Variants in FGF13 observed in about 807,000 individuals in gnomAD.
FGF13 encodes the protein fibroblast growth factor 13.
Under a neutral mutation model 19.5 loss-of-function variants are expected in FGF13, and 2 were observed. The ratio of observed to expected loss-of-function variants is 0.10; its 90% CI spans 0.04 to 0.32. FGF13 has a LOEUF of 0.32. FGF13 is among the 10% of genes least tolerant of loss of function. The probability of loss-of-function intolerance (pLI) is 1.00; values close to 1 mark genes in which losing one functional copy is unlikely to be tolerated. For synonymous variants in FGF13, 72 were observed against 76.9 expected, an observed-to-expected ratio of 0.94 and a Z score of 0.33; for missense variants, 113 against 192.7, an observed-to-expected ratio of 0.59 and a Z score of 2.45.
chrX:138,981,692 A>C (rs891481537), intron 1 of FGF13, among the ~76,000 whole-genome samples: 3 of 110,679 alleles, frequency 2.7e-5, no homozygotes, highest in Non-Finnish European at 5.7e-5. Flanking sequence ...AGCCTACCTT[A>C]TTAAACTCAT....
chrX:138,893,360 G>A (rs772833426), intron 1 of FGF13, among the ~76,000 whole-genome samples: 1 of 111,682 alleles, frequency 9.0e-6, no homozygotes, highest in South Asian at 3.8e-4. Context: ...TTGAAGTGGT[G>A]CCTCGGAGAT....
intron 3 of FGF13, among the ~76,000 whole-genome samples, chrX:138,646,501 C>A (rs993376167): frequency 9.0e-6 from 1 of 111,678 alleles, no homozygotes; most frequent in African/African-American, 3.3e-5. Context: ...CCAAGCCAGG[C>A]AGCCTATCCC....
intron 1 of FGF13, among the ~76,000 whole-genome samples, chrX:138,925,365 G>A (rs1281167224): frequency 2.7e-5 from 3 of 110,887 alleles, no homozygotes; most frequent in Non-Finnish European, 5.7e-5. Context: ...CTTCAAAATC[G>A]GCAACCAAAA....
upstream of FGF13, among the ~76,000 whole-genome samples, chrX:138,712,867 C>G (rs1222456946): frequency 8.9e-6 from 1 of 111,891 alleles, no homozygotes; most frequent in Non-Finnish European, 1.9e-5. Context: ...TTTTTCCTTG[C>G]CTGACTACCC....
chrX:139,140,674 G>A (rs1056318541), intron 1 of FGF13, among the ~76,000 whole-genome samples: 15 of 110,696 alleles, frequency 1.4e-4, no homozygotes, highest in African/African-American at 4.9e-4. Flanking sequence ...TATGGGGGAG[G>A]GGAGATGGGG....
intron 1 of FGF13, among the ~76,000 whole-genome samples, chrX:139,048,149 A>G (rs2092293672): frequency 9.0e-6 from 1 of 111,286 alleles, no homozygotes; most frequent in African/African-American, 3.3e-5. Flanking sequence ...TACTTTTAAT[A>G]TATCTAGAAT....
intron 1 of FGF13, among the ~76,000 whole-genome samples, chrX:138,891,774 A>C (rs1246270903): frequency 9.1e-6 from 1 of 110,433 alleles, no homozygotes; most frequent in Non-Finnish European, 1.9e-5. Flanking sequence ...GCTGCCAGCG[A>C]ATATAAAGCA....
At chrX:139,145,165 C>T (rs1174004356) in intron 1 of FGF13, among the ~76,000 whole-genome samples, 1 of 111,304 alleles carries the variant, frequency 9.0e-6, no homozygotes, top group Non-Finnish European at 1.9e-5. Context: ...AGCTGAGGTA[C>T]ATGAAGAAAC....
intron 1 of FGF13, among the ~76,000 whole-genome samples, chrX:139,017,352 TACAC>T (rs756188106): frequency 9.3e-6 from 1 of 107,409 alleles, no homozygotes; most frequent in African/African-American, 3.4e-5. Context: ...TATATATATA[TACAC>T]ACACACACAC....
intron 3 of FGF13, among the ~76,000 whole-genome samples, chrX:138,675,965 AG>A (rs1480366657): frequency 8.9e-6 from 1 of 112,001 alleles, no homozygotes; most frequent in Non-Finnish European, 1.9e-5. Context: ...GAGTCTTCCA[AG>A]ATATATTTTT....
chrX:138,633,956 A>T (rs1034947444), intron 4 of FGF13, among the ~76,000 whole-genome samples: 3 of 111,242 alleles, frequency 2.7e-5, no homozygotes, highest in Non-Finnish European at 5.7e-5. Context: ...TCAGGCTAGT[A>T]ATCTCTTTGA....
chrX:138,656,426 G>A (rs192031825), intron 3 of FGF13, among the ~76,000 whole-genome samples: 1 of 111,492 alleles, frequency 9.0e-6, no homozygotes, highest in African/African-American at 3.3e-5. Context: ...TAGGTGTTAG[G>A]GGGGAATAGC....
chrX:139,065,001 G>A (rs756412988), intron 1 of FGF13, among the ~76,000 whole-genome samples: 2 of 110,913 alleles, frequency 1.8e-5, no homozygotes, highest in East Asian at 2.8e-4. Context: ...AAGTTCTCAT[G>A]CAGTGTTTTT....
intron 3 of FGF13, among the ~76,000 whole-genome samples, chrX:138,641,859 A>G (rs1041200222): frequency 7.2e-5 from 8 of 111,856 alleles, no homozygotes; most frequent in African/African-American, 2.6e-4. Context: ...TGGATTGCTC[A>G]CTCAAATATC....
chrX:139,000,088 A>C (rs2092065270), intron 1 of FGF13, among the ~76,000 whole-genome samples: 1 of 112,036 alleles, frequency 8.9e-6, no homozygotes, highest in African/African-American at 3.2e-5. Flanking sequence ...CAAAAACCAC[A>C]TGATTATCTC....
chrX:138,766,002 C>G (rs1011301713), intron 3 of FGF13, among the ~76,000 whole-genome samples: 1 of 111,243 alleles, frequency 9.0e-6, no homozygotes, highest in African/African-American at 3.3e-5. Context: ...TCTTTCAGAC[C>G]TCACCTCAGC....
chrX:139,199,895 C>G (rs988218558), intron 1 of FGF13, among the ~76,000 whole-genome samples: 1 of 112,524 alleles, frequency 8.9e-6, no homozygotes, highest in African/African-American at 3.2e-5. Flanking sequence ...ACTTGCTCCC[C>G]CTTCTAGCTT....
intron 3 of FGF13, among the ~76,000 whole-genome samples, chrX:138,764,448 G>T (rs759891236): frequency 2.7e-5 from 3 of 112,721 alleles, no homozygotes; most frequent in Admixed American, 9.4e-5. Flanking sequence ...AACTGTGGCC[G>T]CAAGGTCAAA....
At chrX:139,184,717 C>T (rs1377173569) in intron 1 of FGF13, among the ~76,000 whole-genome samples, 2 of 112,217 alleles carry the variant, frequency 1.8e-5, no homozygotes, top group Admixed American at 9.4e-5. Flanking sequence ...TGCTATATCA[C>T]TTATACCTAG....
Sources: allele counts gnomAD v4.1 joint callset (sites outside exome capture counted in the v4.1 genomes callset), GRCh38; gene constraint gnomAD v4.1.1; transcripts MANE v1.5; gene names NCBI Gene and HGNC (gene_info 2026-07-23, HGNC 2026-07-21).